Variants in APEX2 observed in about 807,000 individuals in gnomAD.
APEX2 encodes the protein DNA-(apurinic or apyrimidinic site) endonuclease 2.
In APEX2, 4 loss-of-function variants were observed where a neutral mutation model predicts 16.7. That is an observed-to-expected ratio of 0.24 (90% CI 0.12 to 0.55). The LOEUF is 0.55. APEX2 is among the 20% of genes least tolerant of loss of function. The pLI, the probability that APEX2 is intolerant of heterozygous loss-of-function variation, is 0.94. For synonymous variants in APEX2, 181 were observed against 166.9 expected (o/e 1.08, Z -0.65); for missense variants, 357 against 433.6 (o/e 0.82, Z 1.57).
In APEX2 at chrX:55,000,399, T is replaced by C; in HGVS notation, c.-24T>C. ...CGCTCGCGCCTAGGTTGGCGCGGGCTGGGAGGTGTTCCAGCCCTTTAAGAT... is the reference window on the plus strand; with the variant it reads ...CGCTCGCGCCTAGGTTGGCGCGGGCCGGGAGGTGTTCCAGCCCTTTAAGAT... On this transcript the variant is annotated 5_prime_UTR_variant, in exon 1 of 6. Coordinates refer to ENST00000374987, the MANE Select transcript of APEX2 (RefSeq NM_014481.4). The C allele has an allele frequency of 8.7e-7, 1 of 1,142,980 alleles. No individual in the cohort carries two copies. 94.2% of individuals were successfully genotyped at this position (1,142,980 alleles called of 1,213,427 possible).
intron 5 of APEX2, 56 bp downstream of exon 5, chrX:55,003,924 C>T: frequency 8.9e-7 from 1 of 1,123,769 alleles, no homozygotes; most frequent in Non-Finnish European, 1.2e-6. Flanking sequence ...TTTGTCCAGC[C>T]AACCAACCCT....
At chrX:55,002,113 G>A (rs949580949) in intron 2 of APEX2, 138 bp from the exon 3 acceptor site, 33 of 567,297 alleles carry the variant, frequency 5.8e-5, no homozygotes, top group Middle Eastern at 1.1e-3. Flanking sequence ...GAGACTCCAG[G>A]GTTTGAATAA....
intron 3 of APEX2, among the ~76,000 whole-genome samples, chrX:55,002,642 GC>G (rs935878988): frequency 8.9e-6 from 1 of 111,907 alleles, no homozygotes; most frequent in African/African-American, 3.3e-5. Context: ...ACAATGTGGG[GC>G]TGGCCTAGTG....
At position 55,003,153 on chromosome X, in the gene APEX2, G is replaced by A. The variant is rs368225052; in HGVS notation, c.569+45G>A. ...TAAGGCTTCCTTGAGTTGGTCCTGG[G>A]TGCCCAGCCCTGTGTCAAGCTCCAT... On this transcript the variant is annotated intron_variant, in intron 4 of 5. Transcript: ENST00000374987. The A allele has an allele frequency of 3.7e-4, 437 of 1,194,533 alleles. 4 individuals carry two copies. The South Asian group carries it at 7.6e-3, about 21-fold the overall frequency.
Position 55,003,023 on chromosome X carries a change from C to A in APEX2, c.484C>A (p.Pro162Thr), listed in dbSNP as rs781313257. 38 of 1,209,849 alleles carry A rather than the reference C, an allele frequency of 3.1e-5. No homozygotes were observed. The South Asian group carries it at 6.5e-4, about 21-fold the overall frequency. The change falls in exon 4 of 6, where the codon CCT (proline) becomes ACT (threonine). Residue 162 changes from proline (P) to threonine (T), a missense_variant. Transcript: ENST00000374987. ...LINVYCPHAD[P>T]GRPERLVFKM... ...CAACGTGTACTGCCCCCATGCGGAC[C>A]CTGGGAGGCCTGAGCGGCTAGTCTT...
Position 55,007,103 on chromosome X carries a change from G to C in APEX2, c.1225G>C (p.Asp409His). 1.7e-6 allele frequency: 2 copies of C among 1,211,772 alleles called. No individual in the cohort carries two copies. Among genetic ancestry groups the C allele is most frequent in the Non-Finnish European group, 2.2e-6 (2 of 895,500 alleles). ...PSPSCPQASP[D>H]IELPSLPLMS... ...CCCTAGCTGTCCCCAAGCCTCTCCT[G>C]ACATAGAGCTGCCTAGCCTACCACT... Residue 409 changes from aspartate (D) to histidine (H), a missense_variant, in exon 6 of 6, where the codon GAC becomes CAC. Physicochemically the swap from Asp to His is moderately conservative, Grantham distance 81. Coordinates refer to ENST00000374987, the MANE Select transcript of APEX2 (RefSeq NM_014481.4).
At chrX:55,001,042 C>T (rs1354149148) in intron 1 of APEX2, among the ~76,000 whole-genome samples, 1 of 109,781 alleles carries the variant, frequency 9.1e-6, no homozygotes, top group East Asian at 2.9e-4. Context: ...CTCCTCCCAG[C>T]GGAAAGTCCC....
chrX:55,003,391 A>G (rs1935469034), intron 4 of APEX2, among the ~76,000 whole-genome samples: 2 of 112,364 alleles, frequency 1.8e-5, no homozygotes, highest in South Asian at 7.3e-4. Context: ...TCTACCCTAC[A>G]CAATAGTTTT....
chrX:55,002,306 G>A lies in APEX2; in HGVS notation c.297G>A (p.Leu99=). 8.3e-7 allele frequency: 1 copy of A among 1,210,695 alleles called. No homozygotes were observed. The highest frequency in any genetic ancestry group is 1.1e-6 in the Non-Finnish European group (1 of 895,004). The change falls in exon 3 of 6, where the codon CTG becomes CTA. Residue 99 remains leucine, a synonymous_variant. Coordinates refer to ENST00000374987, the MANE Select transcript of APEX2 (RefSeq NM_014481.4). ...NATPVAAEEG[L]SGLFATQNGD... ...CCCCAGTGGCTGCTGAAGAAGGCCT[G>A]AGTGGCCTGTTTGCCACCCAGAATG...
intron 1 of APEX2, 86 bp downstream of exon 1, chrX:55,000,665 A>T (rs1054628637): frequency 9.6e-7 from 1 of 1,043,634 alleles, no homozygotes; most frequent in Non-Finnish European, 1.3e-6. Flanking sequence ...TTACTTTCCC[A>T]GTTTCCTATT....
rs761070428 is a variant in APEX2, at chrX:55,007,348, C to A, written c.1470C>A (p.Arg490=). Residue 490 remains arginine (R), a synonymous_variant, in exon 6 of 6, where the codon CGC becomes CGA. Transcript: ENST00000374987. ...AGAAGCCAGGACCCAACTTGGGCCG[C>A]CGCTTCTACATGTGTGCCAGGCCCC... ...TVKKPGPNLG[R]RFYMCARPRG... 1.5e-5 allele frequency: 18 copies of A among 1,204,677 alleles called. No homozygotes were observed. The South Asian group carries it at 3.0e-4, about 20-fold the overall frequency.
intron 5 of APEX2, among the ~76,000 whole-genome samples, chrX:55,004,363 A>G (rs146422962): frequency 8.9e-6 from 1 of 112,891 alleles, no homozygotes; most frequent in Non-Finnish European, 1.9e-5. Context: ...CATTGTGTGC[A>G]TGGGGAACCA....
chrX:55,004,382 TTTC>T (rs758798270), intron 5 of APEX2, among the ~76,000 whole-genome samples: 3 of 112,866 alleles, frequency 2.7e-5, no homozygotes, highest in African/African-American at 9.6e-5. Flanking sequence ...CACAAGTCCC[TTTC>T]TTCTTAGTGA....
Position 55,006,574 on chromosome X carries a change from G to C in APEX2, c.696G>C (p.Leu232Phe). ...GGATGGACAGCTTGCTCAGTAACTTGGGGTGCCAGTCTGCCTCTCATGTAG... is the reference window on the plus strand; with the variant it reads ...GGATGGACAGCTTGCTCAGTAACTTCGGGTGCCAGTCTGCCTCTCATGTAG... ...RKWMDSLLSNLGCQSASHVGP... is the reference protein window; with the variant it reads ...RKWMDSLLSNFGCQSASHVGP... The change falls in exon 6 of 6, where the codon TTG becomes TTC. Residue 232 changes from leucine (L) to phenylalanine (F), a missense_variant. Transcript: ENST00000374987. The C allele has an allele frequency of 8.8e-7, 1 of 1,136,779 alleles. No individual in the cohort carries two copies. Among genetic ancestry groups the C allele is most frequent in the Non-Finnish European group, 1.2e-6 (1 of 859,230 alleles). The allele number at this position is 1,136,779 out of a possible 1,213,427, so 93.7% of individuals were successfully genotyped here.
chrX:55,001,437 T>C, intron 1 of APEX2, 109 bp from the exon 2 acceptor site: 2 of 511,621 alleles, frequency 3.9e-6, no homozygotes, highest in East Asian at 8.1e-5. Context: ...CACCCCCAAC[T>C]CTGGCTCTGA....
intron 5 of APEX2, among the ~76,000 whole-genome samples, chrX:55,004,672 G>T (rs775453063): frequency 2.7e-5 from 3 of 111,049 alleles, no homozygotes; most frequent in Admixed American, 9.6e-5. Context: ...CTGTCGGCCC[G>T]TTGTAAAAGT....
Position 55,001,554 on chromosome X carries a change from C to T in APEX2, c.166C>T (p.Leu56=). The change falls in exon 2 of 6, where the codon CTG becomes TTG. Residue 56 remains leucine, a synonymous_variant. Transcript: ENST00000374987. ...LQETKVTRDA[L]TEPLAIVEGY... is the part of the protein sequence containing the mutation. ...ACATTTTTTTTTTCCAGGGGATGCA[C>T]TGACAGAGCCCCTGGCTATCGTTGA... 8.3e-7 allele frequency: 1 copy of T among 1,202,465 alleles called. No individual in the cohort carries two copies. Among genetic ancestry groups the T allele is most frequent in the Non-Finnish European group, 1.1e-6 (1 of 890,568 alleles).
In APEX2 at chrX:55,001,576, T is replaced by C. The variant is rs772049110; in HGVS notation, c.188T>C (p.Val63Ala). 7 of 1,206,246 alleles carry C rather than the reference T, an allele frequency of 5.8e-6. No individual in the cohort carries two copies. The highest frequency in any genetic ancestry group is 6.7e-6 in the Non-Finnish European group (6 of 893,590). Residue 63 changes from valine (V) to alanine (A), a missense_variant, in exon 2 of 6, where the codon GTT becomes GCT. By Grantham distance (64) the Val-to-Ala change is moderately conservative. Coordinates refer to ENST00000374987, the MANE Select transcript of APEX2 (RefSeq NM_014481.4). Reference sequence around the variant, plus strand: ...GCACTGACAGAGCCCCTGGCTATCGTTGAGGGTTATAACTCCTATTTCAGC... The same window carrying C: ...GCACTGACAGAGCCCCTGGCTATCGCTGAGGGTTATAACTCCTATTTCAGC... ...RDALTEPLAI[V>A]EGYNSYFSFS... is the part of the protein sequence containing the mutation.
In APEX2 at chrX:55,002,261, C is replaced by T; in HGVS notation, c.252C>T (p.Thr84=). ...CCTGTCTGTTCCCAGGTGTAGCCAC[C>T]TTCTGTAAGGACAATGCTACCCCAG... ...RNRSGYSGVA[T]FCKDNATPVA... The change falls in exon 3 of 6, where the codon ACC becomes ACT. Residue 84 remains threonine, a synonymous_variant. Transcript: ENST00000374987. 1.7e-6 allele frequency: 2 copies of T among 1,195,960 alleles called. No homozygotes were observed. The highest frequency in any genetic ancestry group is 3.7e-5 in the South Asian group (2 of 53,404).
Sources: allele counts gnomAD v4.1 joint callset (sites outside exome capture counted in the v4.1 genomes callset), GRCh38; gene constraint gnomAD v4.1.1; transcripts MANE v1.5; gene names NCBI Gene and HGNC (gene_info 2026-07-23, HGNC 2026-07-21).